The following SDK1 variants were observed in gnomAD, a reference collection of about 807,000 sequenced individuals.
SDK1 encodes sidekick cell adhesion molecule 1, also known as protein sidekick-1.
SDK1 carries 157 observed loss-of-function variants against 245.5 expected under a neutral mutation model. That is an observed-to-expected ratio of 0.64 (90% confidence interval 0.56 to 0.73). The LOEUF is 0.73. Among genes scored for constraint, SDK1 ranks in the 30% least tolerant of loss-of-function variants. SDK1 has a pLI of 0.00. For missense variants in SDK1, 3,583 were observed against 3,002.3 expected, an observed-to-expected ratio of 1.19 and a Z score of -4.52; for synonymous variants, 1,647 against 1,278.5, an observed-to-expected ratio of 1.29 and a Z score of -6.15.
chr7:3,891,127 A>T (rs1781447617), intron 5 of SDK1, among the ~76,000 whole-genome samples: 1 of 152,174 alleles, frequency 6.6e-6, no homozygotes, highest in Non-Finnish European at 1.5e-5. Flanking sequence ...ACTCAAAGAC[A>T]GGATAAGCCC....
At chr7:3,459,654 C>T (rs1480478916) in intron 1 of SDK1, among the ~76,000 whole-genome samples, 1 of 152,110 alleles carries the variant, frequency 6.6e-6, no homozygotes, top group Non-Finnish European at 1.5e-5. Flanking sequence ...TTTCTAAGTC[C>T]CCACCCCATA....
chr7:3,629,986 A>G (rs1782241058), intron 2 of SDK1, among the ~76,000 whole-genome samples: 1 of 152,254 alleles, frequency 6.6e-6, no homozygotes, highest in Admixed American at 6.5e-5. Context: ...TGAAAACTAT[A>G]ATGTGTGAGA....
At chr7:3,568,997 G>GT (rs1780016595) in intron 1 of SDK1, among the ~76,000 whole-genome samples, 1 of 131,580 alleles carries the variant, frequency 7.6e-6, no homozygotes, top group Non-Finnish European at 1.6e-5. Flanking sequence ...AATATTTAGT[G>GT]TGGCATATGT....
intron 4 of SDK1, among the ~76,000 whole-genome samples, chr7:3,752,679 C>T (rs1011945348): frequency 1.3e-5 from 2 of 152,134 alleles, no homozygotes; most frequent in Non-Finnish European, 2.9e-5. Flanking sequence ...TCCTCTAACC[C>T]TCAATTCTTA....
chr7:4,244,595 C>G (rs1156706863), intron 43 of SDK1, among the ~76,000 whole-genome samples: 1 of 152,220 alleles, frequency 6.6e-6, no homozygotes, highest in Non-Finnish European at 1.5e-5. Context: ...CAAATGATCA[C>G]AAGTTCAGCA....
intron 28 of SDK1, among the ~76,000 whole-genome samples, chr7:4,144,444 GGCGGTGATGACGGTGCTGATGGTGA>G (rs58551339): frequency 0.49 from 74,766 of 151,334 alleles, 18,950 homozygotes; most frequent in East Asian, 0.78. Context: ...CTGTCTGTGT[GGCGGTGATGACGGTGCTGATGGTGA>G]GCGGTGATGC....
At chr7:3,864,534 A>T (rs1031999521) in intron 5 of SDK1, among the ~76,000 whole-genome samples, 2 of 151,592 alleles carry the variant, frequency 1.3e-5, no homozygotes, top group African/African-American at 4.8e-5. Context: ...AGATGTGGCT[A>T]ATATCTCTGC....
In SDK1 at chr7:3,380,692, G is replaced by T. The variant is rs115294964; in HGVS notation, c.298+78808G>T. 3.0e-3 allele frequency among the ~76,000 whole-genome samples: 456 copies of T among 152,266 alleles called. 5 individuals carry two copies. Among genetic ancestry groups the T allele is most frequent in the African/African-American group, 9.9e-3 (411 of 41,540 alleles). On this transcript the variant is annotated intron_variant, in intron 1 of 44. Transcript: ENST00000404826. ...GTCATTAAGGAGACTGACTCTTTCT[G>T]TCTTCTTGATTTACTGTAGAGTACG...
chr7:3,557,278 A>G (rs1562561280), intron 1 of SDK1, among the ~76,000 whole-genome samples: 1 of 152,228 alleles, frequency 6.6e-6, no homozygotes, highest in African/African-American at 2.4e-5. Flanking sequence ...TACAGATCCT[A>G]AAGCCACTAA....
chr7:3,971,882 A>G (rs1483268646), intron 12 of SDK1, among the ~76,000 whole-genome samples: 1 of 152,072 alleles, frequency 6.6e-6, no homozygotes, highest in African/African-American at 2.4e-5. Flanking sequence ...TGAGAGAAAA[A>G]TCCAGGGGGA....
chr7:3,807,097 C>G (rs887158642), intron 4 of SDK1, among the ~76,000 whole-genome samples: 2 of 152,072 alleles, frequency 1.3e-5, no homozygotes, highest in African/African-American at 4.8e-5. Context: ...TAAAGCCTTA[C>G]CTGGGAAAGT....
At chr7:3,628,460 C>G (rs916113006) in intron 2 of SDK1, among the ~76,000 whole-genome samples, 1 of 152,118 alleles carries the variant, frequency 6.6e-6, no homozygotes, top group Non-Finnish European at 1.5e-5. Context: ...ATGTAGTTCC[C>G]TTCTGCAGAA....
chr7:3,670,634 T>C (rs1434112069), intron 4 of SDK1, among the ~76,000 whole-genome samples: 1 of 152,158 alleles, frequency 6.6e-6, no homozygotes, highest in Non-Finnish European at 1.5e-5. Flanking sequence ...TTAGATTATT[T>C]GCTTAACGAA....
At chr7:3,706,440 C>G (rs1784891659) in intron 4 of SDK1, among the ~76,000 whole-genome samples, 1 of 152,172 alleles carries the variant, frequency 6.6e-6, no homozygotes, top group Non-Finnish European at 1.5e-5. Flanking sequence ...CTTGCTCTGT[C>G]ACCCAGGCTG....
Position 3,434,808 on chromosome 7 carries a change from G to C in SDK1, c.298+132924G>C, listed in dbSNP as rs531165472. 1.3e-3 allele frequency among the ~76,000 whole-genome samples: 194 copies of C among 152,206 alleles called. 1 individual carries two copies. The highest frequency in any genetic ancestry group is 4.2e-3 in the African/African-American group (175 of 41,488). ...GCAGGGAGTGTAGATAGAATCATGG[G>C]GGGGGACAGAGCACACCCTAGTGGA... On this transcript the variant is annotated intron_variant, in intron 1 of 44. Coordinates refer to ENST00000404826, the MANE Select transcript of SDK1 (RefSeq NM_152744.4).
At position 3,619,326 on chromosome 7, in the gene SDK1, G is replaced by A. The variant is rs554272713; in HGVS notation, c.458+87G>A. ...TACTGGTCATAATAGCACAATGAGT[G>A]AAAATATTGGATTGAATTTCTAATG... On this transcript the variant is annotated intron_variant, in intron 2 of 44. Transcript: ENST00000404826. 2.5e-5 allele frequency: 27 copies of A among 1,088,488 alleles called. No individual in the cohort carries two copies. In the East Asian group the frequency reaches 6.6e-4, roughly 26 times the overall value. 67.4% of individuals were successfully genotyped at this position (1,088,488 alleles called of 1,614,324 possible).
At chr7:3,494,234 A>G (rs796253490) in intron 1 of SDK1, among the ~76,000 whole-genome samples, 10 of 152,228 alleles carry the variant, frequency 6.6e-5, no homozygotes, top group African/African-American at 2.4e-4. Context: ...CAGTGTTTCT[A>G]TTTTATATAT....
intron 1 of SDK1, among the ~76,000 whole-genome samples, chr7:3,336,853 C>G (rs1008159735): frequency 6.6e-6 from 1 of 152,142 alleles, no homozygotes; most frequent in African/African-American, 2.4e-5. Context: ...AGTCATCACC[C>G]CACTTTTGTC....
At chr7:3,876,533 C>G (rs1274460466) in intron 5 of SDK1, among the ~76,000 whole-genome samples, 5 of 152,220 alleles carry the variant, frequency 3.3e-5, no homozygotes, top group South Asian at 4.1e-4. Flanking sequence ...TACTTTTTCT[C>G]TGGGTATTAT....
Sources: gnomAD v4.1 joint callset for allele counts (sites outside exome capture counted in the v4.1 genomes callset) on GRCh38, gnomAD v4.1.1 for gene constraint, MANE v1.5 for transcripts, NCBI Gene and HGNC (gene_info 2026-07-23, HGNC 2026-07-21) for gene names.